The following IGSF10 variants were observed in gnomAD, a reference collection of about 807,000 sequenced individuals.
IGSF10 encodes the protein calvaria mechanical force protein 608.
Under a neutral mutation model 128.2 loss-of-function variants are expected in IGSF10, and 126 were observed. That is an observed-to-expected ratio of 0.98 (90% CI 0.85 to 1.14). The LOEUF (loss-of-function observed/expected upper bound fraction) is 1.14. Ranked by LOEUF, IGSF10 falls within the 50% of genes most tolerant of loss-of-function variation. The probability of loss-of-function intolerance (pLI) is 0.00; values close to 1 mark genes in which losing one functional copy is unlikely to be tolerated. For synonymous variants in IGSF10, 1,185 were observed against 1,146.2 expected, an observed-to-expected ratio of 1.03 and a Z score of -0.68; for missense variants, 3,295 against 3,149.8, an observed-to-expected ratio of 1.05 and a Z score of -1.10.
At chr3:151,597,753 C>A in the IGSF10 span, among the ~76,000 whole-genome samples, 1 of 152,030 alleles carries the variant, frequency 6.6e-6, no homozygotes, top group African/African-American at 2.4e-5. Context: ...CTCGTCTCTA[C>A]TAAAAGTACA....
At chr3:151,509,265 A>T in the IGSF10 span, among the ~76,000 whole-genome samples, 1 of 152,224 alleles carries the variant, frequency 6.6e-6, no homozygotes, top group Admixed American at 6.5e-5. Flanking sequence ...CCAGATTTTC[A>T]TGCTTAATCA....
At chr3:151,557,737 C>T in the IGSF10 span, among the ~76,000 whole-genome samples, 3 of 151,612 alleles carry the variant, frequency 2.0e-5, no homozygotes, top group Non-Finnish European at 4.4e-5. Context: ...AGTGAGTGGA[C>T]TGCTTAGTTT....
At chr3:151,461,571 CAT>C (rs3975407), upstream of IGSF10, 264,479 of 380,612 alleles carry the variant, frequency 0.69, 92,681 homozygotes, top group Middle Eastern at 0.83. Flanking sequence ...CATCATCTCA[CAT>C]AGTTACCCCA....
At chr3:151,460,888 GC>G (rs1722021053) in intron 1 of IGSF10, 57 bp downstream of exon 1, 1 of 974,212 alleles carries the variant, frequency 1.0e-6, no homozygotes, top group Non-Finnish European at 1.2e-6. Context: ...CCCACGCCAA[GC>G]CCCAGCCGGC....
chr3:151,442,627 G>A (rs1291213476), intron 7 of IGSF10, among the ~76,000 whole-genome samples: 4 of 148,846 alleles, frequency 2.7e-5, no homozygotes, highest in African/African-American at 7.5e-5. Context: ...GACCTCAGGT[G>A]ATCCATCTGT....
Position 151,448,013 on chromosome 3 carries a change from C to G in IGSF10, c.1968G>C (p.Leu656Phe), listed in dbSNP as rs770562795. 3 of 1,613,836 alleles carry G rather than the reference C, an allele frequency of 1.9e-6. No homozygotes were observed. Among genetic ancestry groups the G allele is most frequent in the Non-Finnish European group, 2.5e-6 (3 of 1,179,980 alleles). ...VAANPSGVDF[L>F]IFQVSVKMKG... ...TCATCTTGACTGAAACTTGGAAAAT[C>G]AAAAAATCAACCCCTGATGGGTTGG... is the stretch of plus-strand genomic sequence containing the variant. The change falls in exon 6 of 8, where the codon TTG (leucine) becomes TTC (phenylalanine). Residue 656 changes from leucine to phenylalanine, a missense_variant. By Grantham distance (22) the Leu-to-Phe change is conservative. Coordinates refer to ENST00000282466, the MANE Select transcript of IGSF10 (RefSeq NM_178822.5).
At chr3:151,597,065 T>A in the IGSF10 span, among the ~76,000 whole-genome samples, 1 of 152,090 alleles carries the variant, frequency 6.6e-6, no homozygotes, top group Admixed American at 6.5e-5. Context: ...AGTTCCTTTA[T>A]GATGTTAATT....
the IGSF10 span, among the ~76,000 whole-genome samples, chr3:151,560,791 G>A: frequency 6.6e-6 from 1 of 151,920 alleles, no homozygotes; most frequent in African/African-American, 2.4e-5. Flanking sequence ...TGGAATTTTA[G>A]ACTCTGTGGT....
At chr3:151,486,610 G>A in the IGSF10 span, among the ~76,000 whole-genome samples, 5 of 152,056 alleles carry the variant, frequency 3.3e-5, no homozygotes, top group African/African-American at 9.7e-5. Context: ...TATCATAACC[G>A]TCTCTCAGAC....
chr3:151,484,395 C>A, the IGSF10 span, among the ~76,000 whole-genome samples: 45 of 152,284 alleles, frequency 3.0e-4, 1 homozygote, highest in Middle Eastern at 6.8e-3. Context: ...TTTAAATGTC[C>A]CTGACTGATG....
At chr3:151,599,291 A>G in the IGSF10 span, among the ~76,000 whole-genome samples, 1 of 152,060 alleles carries the variant, frequency 6.6e-6, no homozygotes, top group Non-Finnish European at 1.5e-5. Context: ...GAGGAGGGAA[A>G]GGAGGCTGAG....
the IGSF10 span, among the ~76,000 whole-genome samples, chr3:151,558,579 T>G: frequency 2.0e-5 from 3 of 151,896 alleles, no homozygotes; most frequent in Non-Finnish European, 2.9e-5. Context: ...AGTGGCGTGA[T>G]CTCAGCTCAC....
At chr3:151,573,505 TC>T in the IGSF10 span, among the ~76,000 whole-genome samples, 1 of 152,236 alleles carries the variant, frequency 6.6e-6, no homozygotes, top group Non-Finnish European at 1.5e-5. Context: ...TCTCTTTTGA[TC>T]TTTGTTGGTT....
At chr3:151,454,843 T>C (rs1171012659) in intron 4 of IGSF10, among the ~76,000 whole-genome samples, 2 of 151,630 alleles carry the variant, frequency 1.3e-5, no homozygotes, top group East Asian at 2.0e-4. Context: ...AAAATACATA[T>C]ACACACACAA....
chr3:151,567,766 A>G, the IGSF10 span, among the ~76,000 whole-genome samples: 1 of 152,168 alleles, frequency 6.6e-6, no homozygotes, highest in African/African-American at 2.4e-5. Context: ...CAACAAGACA[A>G]TTCTAAACCT....
At chr3:151,600,632 T>G in the IGSF10 span, among the ~76,000 whole-genome samples, 7 of 152,118 alleles carry the variant, frequency 4.6e-5, no homozygotes, top group African/African-American at 1.4e-4. Context: ...AGAAGTAAAA[T>G]TTCAGTGCAG....
chr3:151,493,340 T>TG, the IGSF10 span, among the ~76,000 whole-genome samples: 1 of 152,192 alleles, frequency 6.6e-6, no homozygotes, highest in African/African-American at 2.4e-5. Context: ...TTCACTATAG[T>TG]AACCATTTTA....
At chr3:151,435,706 A>AATC (rs1720084903), downstream of IGSF10, 2 of 152,218 alleles carry the variant, frequency 1.3e-5, no homozygotes, top group Admixed American at 6.5e-5. Flanking sequence ...AGATAAGATC[A>AATC]ATCATTTAAT....
the IGSF10 span, among the ~76,000 whole-genome samples, chr3:151,473,867 G>A: frequency 6.6e-6 from 1 of 151,786 alleles, no homozygotes; most frequent in Non-Finnish European, 1.5e-5. Context: ...AAATTCTCAT[G>A]ATAGCCCTTA....
Sources: allele counts gnomAD v4.1 joint callset (sites outside exome capture counted in the v4.1 genomes callset), GRCh38; gene constraint gnomAD v4.1.1; transcripts MANE v1.5; gene names NCBI Gene and HGNC (gene_info 2026-07-23, HGNC 2026-07-21).